The following KLF8 variants were observed in gnomAD, a reference collection of about 807,000 sequenced individuals.
KLF8 encodes KLF transcription factor 8, also known as Krueppel-like factor 8.
A neutral mutation model predicts 18.2 loss-of-function variants in KLF8; 10 were observed. That is an observed-to-expected ratio of 0.55 (90% CI 0.34 to 0.93). KLF8 has a LOEUF of 0.93. Ranked by LOEUF, KLF8 falls within the 40% of genes least tolerant of loss-of-function variation. The probability of loss-of-function intolerance (pLI) is 0.02; values close to 1 mark genes in which losing one functional copy is unlikely to be tolerated. For synonymous variants in KLF8, 109 were observed against 97.3 expected (o/e 1.12, Z -0.71); for missense variants, 264 against 277.9 (o/e 0.95, Z 0.36).
the KLF8 span, among the ~76,000 whole-genome samples, chrX:56,211,773 T>C: frequency 2.7e-5 from 3 of 111,183 alleles, no homozygotes; most frequent in Admixed American, 2.9e-4. Flanking sequence ...TTTCCTTCCC[T>C]TTCCAAAGGC....
At chrX:56,041,526 G>A in the KLF8 span, among the ~76,000 whole-genome samples, 1 of 107,728 alleles carries the variant, frequency 9.3e-6, no homozygotes, top group African/African-American at 3.4e-5. Context: ...TTTTTGAATG[G>A]TTTTTCATGT....
chrX:56,050,508 C>T, the KLF8 span, among the ~76,000 whole-genome samples: 1 of 111,970 alleles, frequency 8.9e-6, no homozygotes, highest in African/African-American at 3.2e-5. Flanking sequence ...TTTATTTCTG[C>T]CTTCATTTTG....
intron 5 of KLF8, among the ~76,000 whole-genome samples, chrX:56,276,202 A>G (rs899710790): frequency 9.6e-6 from 1 of 103,961 alleles, no homozygotes; most frequent in Admixed American, 1.1e-4. Context: ...GTGCAGTGGC[A>G]TGATCTCAGC....
At chrX:56,242,130 C>T (rs2066553468) in intron 1 of KLF8, among the ~76,000 whole-genome samples, 1 of 112,155 alleles carries the variant, frequency 8.9e-6, no homozygotes, top group Admixed American at 9.5e-5. Context: ...TCATCTTTTT[C>T]CAGAATGAGG....
chrX:56,140,788 C>T, the KLF8 span, among the ~76,000 whole-genome samples: 1 of 95,245 alleles, frequency 1.0e-5, no homozygotes, highest in Admixed American at 1.1e-4. Context: ...GAAAACGCTG[C>T]CCCTCCAGTA....
At chrX:56,220,477 C>CT in the KLF8 span, among the ~76,000 whole-genome samples, 8,526 of 110,820 alleles carry the variant, frequency 0.077, 830 homozygotes, top group African/African-American at 0.27. Flanking sequence ...TTTTTTCTTT[C>CT]TTTTTTCTTT....
chrX:56,206,762 G>T, the KLF8 span, among the ~76,000 whole-genome samples: 3 of 112,414 alleles, frequency 2.7e-5, no homozygotes, highest in Admixed American at 9.4e-5. Context: ...TGGCCCTCTT[G>T]TCATAGCTCC....
the KLF8 span, among the ~76,000 whole-genome samples, chrX:56,045,683 A>T: frequency 8.9e-6 from 1 of 111,751 alleles, no homozygotes; most frequent in South Asian, 3.7e-4. Flanking sequence ...AAAGGGGTTC[A>T]GTTCTTGATT....
the KLF8 span, among the ~76,000 whole-genome samples, chrX:55,938,732 C>T: frequency 2.7e-5 from 3 of 110,826 alleles, no homozygotes; most frequent in Non-Finnish European, 5.7e-5. Flanking sequence ...ATCCTAGTCT[C>T]GGATAAAACA....
intron 1 of KLF8, among the ~76,000 whole-genome samples, chrX:56,240,551 G>T (rs1349406452): frequency 8.9e-6 from 1 of 111,745 alleles, no homozygotes; most frequent in Non-Finnish European, 1.9e-5. Flanking sequence ...GTGCCATGCT[G>T]GAGTTGTAAT....
chrX:56,013,760 T>G, the KLF8 span, among the ~76,000 whole-genome samples: 1 of 111,894 alleles, frequency 8.9e-6, no homozygotes, highest in Non-Finnish European at 1.9e-5. Flanking sequence ...TGCTTCTCCT[T>G]CTGCCATGAT....
intron 5 of KLF8, among the ~76,000 whole-genome samples, chrX:56,282,794 A>G (rs1327047318): frequency 8.9e-6 from 1 of 112,201 alleles, no homozygotes; most frequent in African/African-American, 3.2e-5. Flanking sequence ...AGAAAAATGT[A>G]TTAAGAAGAA....
upstream of KLF8, among the ~76,000 whole-genome samples, chrX:56,232,211 AATTG>A (rs1312605752): frequency 1.8e-5 from 2 of 111,732 alleles, no homozygotes; most frequent in Non-Finnish European, 3.8e-5. Context: ...AAGGAAGTGA[AATTG>A]ATTGGAATTA....
At chrX:56,113,554 G>GTTTTTTTTTTTTTTTTT in the KLF8 span, among the ~76,000 whole-genome samples, 8 of 34,652 alleles carry the variant, frequency 2.3e-4, no homozygotes, top group African/African-American at 1.0e-3. Context: ...GGCAGGGATA[G>GTTTTTTTTTTTTTTTTT]TTTTTTTTTT....
At chrX:56,222,625 T>C in the KLF8 span, among the ~76,000 whole-genome samples, 5 of 112,738 alleles carry the variant, frequency 4.4e-5, no homozygotes, top group Admixed American at 9.3e-5. Context: ...CCTTGGGCGG[T>C]CGATGGGACT....
chrX:56,049,316 G>T, the KLF8 span, among the ~76,000 whole-genome samples: 3 of 111,559 alleles, frequency 2.7e-5, no homozygotes, highest in Admixed American at 2.9e-4. Context: ...GAATAAGAGT[G>T]GTGAGAGAAG....
chrX:56,025,932 G>T, the KLF8 span, among the ~76,000 whole-genome samples: 1 of 112,672 alleles, frequency 8.9e-6, no homozygotes, highest in African/African-American at 3.2e-5. Context: ...AGTCCTCCGT[G>T]TGAAAAGAAG....
chrX:56,118,877 G>A, the KLF8 span, among the ~76,000 whole-genome samples: 140 of 111,521 alleles, frequency 1.3e-3, no homozygotes, highest in African/African-American at 4.5e-3. Context: ...ATATTCATTT[G>A]TTGTATATAT....
At chrX:56,187,655 C>T in the KLF8 span, among the ~76,000 whole-genome samples, 1 of 110,983 alleles carries the variant, frequency 9.0e-6, no homozygotes, top group African/African-American at 3.3e-5. Context: ...TCCAGCAGCA[C>T]ATCAAAAAAC....
Sources: allele counts gnomAD v4.1 joint callset (sites outside exome capture counted in the v4.1 genomes callset), GRCh38; gene constraint gnomAD v4.1.1; transcripts MANE v1.5; gene names NCBI Gene and HGNC (gene_info 2026-07-23, HGNC 2026-07-21).